The following GRIA2 variants were observed in gnomAD, a reference collection of about 807,000 sequenced individuals.
The protein encoded by GRIA2 is glutamate receptor 2.
GRIA2 carries 14 observed loss-of-function variants against 97.3 expected under a neutral mutation model. The observed-to-expected ratio is 0.14, with a 90% confidence interval of 0.10 to 0.23. The LOEUF (loss-of-function observed/expected upper bound fraction) is 0.23. Among genes scored for constraint, GRIA2 ranks in the 10% least tolerant of loss-of-function variants. The probability of loss-of-function intolerance (pLI) is 1.00; values close to 1 mark genes in which losing one functional copy is unlikely to be tolerated. For synonymous variants in GRIA2, 412 were observed against 387.8 expected, an observed-to-expected ratio of 1.06 and a Z score of -0.73; for missense variants, 558 against 1,069.8, an observed-to-expected ratio of 0.52 and a Z score of 6.67.
chr4:157,280,082 G>A (rs1047185592), intron 2 of GRIA2, among the ~76,000 whole-genome samples: 3 of 152,124 alleles, frequency 2.0e-5, no homozygotes, highest in Admixed American at 1.3e-4. Context: ...CCGAGATCAC[G>A]CCACTGCACT....
intron 2 of GRIA2, among the ~76,000 whole-genome samples, chr4:157,224,029 A>G (rs1729632193): frequency 6.6e-6 from 1 of 152,190 alleles, no homozygotes; most frequent in Non-Finnish European, 1.5e-5. Context: ...ATGTAAATTC[A>G]TATATTTGCA....
At chr4:157,252,954 A>C (rs917866701) in intron 2 of GRIA2, among the ~76,000 whole-genome samples, 4 of 152,106 alleles carry the variant, frequency 2.6e-5, no homozygotes, top group African/African-American at 9.7e-5. Context: ...AACTGTCTTT[A>C]AAAAAGAAAA....
chr4:157,345,807 C>A (rs1044190551), intron 12 of GRIA2, among the ~76,000 whole-genome samples: 1 of 152,064 alleles, frequency 6.6e-6, no homozygotes, highest in Non-Finnish European at 1.5e-5. Context: ...AATATATGGT[C>A]TACTTTGTTG....
chr4:157,245,370 T>A (rs977068095), intron 2 of GRIA2, among the ~76,000 whole-genome samples: 8 of 152,216 alleles, frequency 5.3e-5, no homozygotes, highest in Admixed American at 4.6e-4. Flanking sequence ...TTCTCTATAT[T>A]CTAGTGATAA....
chr4:157,296,054 T>C (rs1733335387), intron 2 of GRIA2, among the ~76,000 whole-genome samples: 1 of 152,302 alleles, frequency 6.6e-6, no homozygotes, highest in South Asian at 2.1e-4. Flanking sequence ...AGGTTTTCAA[T>C]TGCAGCTTGC....
chr4:157,249,613 C>T (rs1029040750), intron 2 of GRIA2: 2 of 152,066 alleles, frequency 1.3e-5, no homozygotes, highest in African/African-American at 4.8e-5. Context: ...GGCAAAGTGC[C>T]TGGGATACAG....
intron 2 of GRIA2, among the ~76,000 whole-genome samples, chr4:157,232,971 A>G (rs1468827371): frequency 2.0e-5 from 3 of 152,234 alleles, no homozygotes; most frequent in African/African-American, 7.2e-5. Flanking sequence ...CGCATTAGTC[A>G]TAAAACACTA....
chr4:157,333,818 C>G lies in GRIA2; in HGVS notation c.1156-192C>G, dbSNP rs188129004. Among the ~76,000 whole-genome samples the G allele has an allele frequency of 2.6e-5, 4 of 152,094 alleles. No individual in the cohort carries two copies. In the East Asian group the frequency reaches 7.7e-4, roughly 29 times the overall value. On this transcript the variant is annotated intron_variant, in intron 8 of 15. Coordinates refer to ENST00000264426, the MANE Select transcript of GRIA2 (RefSeq NM_001083619.3). ...AAAAAGTGAATATGAAGAGACAAGT[C>G]ATTTTTAGGAATTTTTTTATACTTC...
rs1560785524 is a variant in GRIA2 at position 157,363,721 on chromosome 4, AG to A, written c.*291del. On this transcript the variant is annotated 3_prime_UTR_variant, in exon 16 of 16. Coordinates refer to ENST00000264426, the MANE Select transcript of GRIA2 (RefSeq NM_001083619.3). ...CAGCCAAGAATTCTTAAATATGTGG[AG>A]TTCATCTTGAATTGTAAGGAATGAT... The A allele has an allele frequency of 2.3e-6, 1 of 438,668 alleles. No individual in the cohort carries two copies. Among genetic ancestry groups the A allele is most frequent in the African/African-American group, 2.0e-5 (1 of 49,354 alleles). 27.2% of individuals were successfully genotyped at this position (438,668 alleles called of 1,614,324 possible). A position where few individuals can be genotyped will look rare whatever the true frequency, so the allele number is the denominator to read the frequency against.
intron 2 of GRIA2, among the ~76,000 whole-genome samples, chr4:157,231,252 C>T (rs1361214559): frequency 2.0e-5 from 3 of 152,022 alleles, no homozygotes; most frequent in Middle Eastern, 3.2e-3. Context: ...TTGCCTAGGC[C>T]GGTCACGAAC....
Position 157,297,066 on chromosome 4 carries a change from G to A in GRIA2, c.230-6486G>A, listed in dbSNP as rs1265439631. On this transcript the variant is annotated intron_variant, in intron 2 of 15. Coordinates refer to ENST00000264426, the MANE Select transcript of GRIA2 (RefSeq NM_001083619.3). ...AGAAATTGATGGATTTTAAGCAGGA[G>A]GGTTATATCTGCCATGAGAGGAAAA... 3.3e-5 allele frequency among the ~76,000 whole-genome samples: 5 copies of A among 152,132 alleles called. No individual in the cohort carries two copies. The East Asian group carries it at 5.8e-4, about 18-fold the overall frequency.
At chr4:157,353,740 A>G (rs986434108) in intron 12 of GRIA2, among the ~76,000 whole-genome samples, 1 of 152,158 alleles carries the variant, frequency 6.6e-6, no homozygotes, top group African/African-American at 2.4e-5. Context: ...ATAATTGTCA[A>G]TAAATACCAT....
chr4:157,249,240 G>C (rs1329884161), intron 2 of GRIA2, among the ~76,000 whole-genome samples: 1 of 152,124 alleles, frequency 6.6e-6, no homozygotes, highest in Non-Finnish European at 1.5e-5. Context: ...AACCTCCAGA[G>C]CCACTTGAAA....
At chr4:157,354,570 A>C (rs1560780061) in intron 12 of GRIA2, among the ~76,000 whole-genome samples, 1 of 152,208 alleles carries the variant, frequency 6.6e-6, no homozygotes, top group Non-Finnish European at 1.5e-5. Context: ...GAGAAGTCAA[A>C]GTATGCACCA....
chr4:157,335,994 G>T (rs912327643), intron 10 of GRIA2, 117 bp downstream of exon 10: 38 of 723,110 alleles, frequency 5.3e-5, no homozygotes, highest in Non-Finnish European at 8.6e-5. Context: ...CATTACTCTA[G>T]AAACATTATC....
chr4:157,254,172 G>A (rs1731139100), intron 2 of GRIA2, among the ~76,000 whole-genome samples: 1 of 151,918 alleles, frequency 6.6e-6, no homozygotes, highest in African/African-American at 2.4e-5. Flanking sequence ...GAGGGTGGGA[G>A]TTATATTAAT....
chr4:157,247,890 C>T (rs766335390), intron 2 of GRIA2, among the ~76,000 whole-genome samples: 23 of 151,922 alleles, frequency 1.5e-4, no homozygotes, highest in Non-Finnish European at 2.5e-4. Context: ...CTGGAAGAGA[C>T]GCTTAAGGTT....
intron 2 of GRIA2, among the ~76,000 whole-genome samples, chr4:157,301,153 G>C (rs1232993375): frequency 1.3e-5 from 2 of 152,118 alleles, no homozygotes; most frequent in Non-Finnish European, 2.9e-5. Context: ...TCTTTTATGT[G>C]TCATTTGGAA....
intron 12 of GRIA2, among the ~76,000 whole-genome samples, chr4:157,344,672 T>C (rs576739334): frequency 6.6e-6 from 1 of 152,242 alleles, no homozygotes; most frequent in Non-Finnish European, 1.5e-5. Flanking sequence ...TTCCTTTTTA[T>C]ACTCTTTTAT....
Sources: gnomAD v4.1 joint callset for allele counts (sites outside exome capture counted in the v4.1 genomes callset) on GRCh38, gnomAD v4.1.1 for gene constraint, MANE v1.5 for transcripts, NCBI Gene and HGNC (gene_info 2026-07-23, HGNC 2026-07-21) for gene names.